The following KHDC1 variants were observed in gnomAD, a reference collection of about 807,000 sequenced individuals.
KHDC1 encodes KH domain containing 1.
In KHDC1, 21 loss-of-function variants were observed where a neutral mutation model predicts 24.7. The observed-to-expected ratio is 0.85, with a 90% CI of 0.60 to 1.23. The LOEUF is 1.23. KHDC1 is among the 50% of genes most tolerant of loss of function. The pLI, the probability that KHDC1 is intolerant of heterozygous loss-of-function variation, is 0.00. For synonymous variants in KHDC1, 98 were observed against 111.7 expected (o/e 0.88, Z 0.77); for missense variants, 274 against 298.5 (o/e 0.92, Z 0.61).
intron 2 of KHDC1, among the ~76,000 whole-genome samples, chr6:73,245,233 T>A (rs1766645731): frequency 6.6e-6 from 1 of 152,224 alleles, no homozygotes; most frequent in African/African-American, 2.4e-5. Context: ...ATCGTCTTCT[T>A]CTAAAGATCA....
chr6:73,246,047 C>A (rs2150551811), intron 2 of KHDC1, among the ~76,000 whole-genome samples: 1 of 152,260 alleles, frequency 6.6e-6, no homozygotes, highest in African/African-American at 2.4e-5. Flanking sequence ...TGGGTAATAG[C>A]AAAGCTTCTA....
At chr6:73,283,872 G>A (rs976203605) in intron 2 of KHDC1, among the ~76,000 whole-genome samples, 5 of 151,688 alleles carry the variant, frequency 3.3e-5, no homozygotes, top group African/African-American at 9.7e-5. Flanking sequence ...ACCGTGCCTG[G>A]CACCATTCTT....
At chr6:73,307,070 A>G (rs1350620466) in intron 1 of KHDC1, among the ~76,000 whole-genome samples, 1 of 152,054 alleles carries the variant, frequency 6.6e-6, no homozygotes, top group Non-Finnish European at 1.5e-5. Context: ...CCTTTTGAAA[A>G]TGTTTTTCCT....
intron 1 of KHDC1, among the ~76,000 whole-genome samples, chr6:73,293,465 A>G (rs1767697127): frequency 6.6e-6 from 1 of 152,228 alleles, no homozygotes; most frequent in African/African-American, 2.4e-5. Context: ...AGCTAATTAT[A>G]GATTCACATG....
chr6:73,278,449 C>T (rs1360386596), intron 2 of KHDC1, among the ~76,000 whole-genome samples: 1 of 152,176 alleles, frequency 6.6e-6, no homozygotes, highest in Non-Finnish European at 1.5e-5. Context: ...GTCTTGAACT[C>T]CTGGCCTCAA....
chr6:73,283,859 ACCACCGTG>A (rs1047008275), intron 2 of KHDC1, among the ~76,000 whole-genome samples: 2 of 151,824 alleles, frequency 1.3e-5, no homozygotes, highest in African/African-American at 4.8e-5. Context: ...TACAGGAGTG[ACCACCGTG>A]CCTGGCACCA....
intron 2 of KHDC1, chr6:73,274,997 T>C (rs10943088): frequency 0.091 from 13,892 of 152,392 alleles, 676 homozygotes; most frequent in Non-Finnish European, 0.1. Flanking sequence ...CCTGGCACCA[T>C]GGGCCAATCT....
chr6:73,292,487 G>A, intron 1 of KHDC1: 2 of 771,338 alleles, frequency 2.6e-6, no homozygotes, highest in African/African-American at 1.7e-5. Context: ...GCTGGCCTCT[G>A]AAATCTTAAA....
intron 2 of KHDC1, among the ~76,000 whole-genome samples, chr6:73,264,805 A>G (rs1374180064): frequency 2.0e-5 from 3 of 152,208 alleles, no homozygotes; most frequent in African/African-American, 7.2e-5. Flanking sequence ...AAAACCTGGA[A>G]TGGTTTGCTT....
At chr6:73,263,365 G>A in intron 2 of KHDC1, 169 bp from the exon 1 acceptor site, 2 of 834,308 alleles carry the variant, frequency 2.4e-6, no homozygotes, top group Non-Finnish European at 2.9e-6. Flanking sequence ...CGAGCCAGTG[G>A]CAATGACCCA....
chr6:73,259,955 T>C (rs1332604893), intron 2 of KHDC1, among the ~76,000 whole-genome samples: 1 of 152,202 alleles, frequency 6.6e-6, no homozygotes, highest in African/African-American at 2.4e-5. Context: ...CATTAAAAGC[T>C]GTCCAGGGGG....
At chr6:73,291,222 C>G in intron 2 of KHDC1, 1 of 439,742 alleles carries the variant, frequency 2.3e-6, no homozygotes, top group South Asian at 1.7e-5. Context: ...GCAACTTCCA[C>G]TGCTCAGACC....
intron 2 of KHDC1, among the ~76,000 whole-genome samples, chr6:73,255,688 G>C (rs1766867893): frequency 6.6e-6 from 1 of 150,400 alleles, no homozygotes; most frequent in Non-Finnish European, 1.5e-5. Flanking sequence ...GATCACCTGA[G>C]GTCGGGAGTT....
rs538602506 is a variant in KHDC1 at position 73,247,421 on chromosome 6, C to T, written c.207-4891G>A. Among the ~76,000 whole-genome samples, 39 of 152,312 alleles carry T rather than the reference C, an allele frequency of 2.6e-4. 1 individual carries two copies. The South Asian group carries it at 8.1e-3, about 32-fold the overall frequency. ...TTTAAAAATTTGATTCCATACTTCC[C>T]CCAGTGCCTTTCCACCTCTTCCTCC... On this transcript the variant is annotated intron_variant, in intron 2 of 4. Coordinates refer to ENST00000370384, the Ensembl canonical transcript of KHDC1.
chr6:73,296,389 G>T (rs1402209477), intron 1 of KHDC1, among the ~76,000 whole-genome samples: 1 of 151,872 alleles, frequency 6.6e-6, no homozygotes, highest in Non-Finnish European at 1.5e-5. Flanking sequence ...GGAGGCAGAG[G>T]TTGCAGTGAG....
chr6:73,274,550 G>A (rs894753040), intron 2 of KHDC1: 1 of 152,132 alleles, frequency 6.6e-6, no homozygotes, highest in African/African-American at 2.4e-5. Context: ...TGCTGTTCTC[G>A]TGATGAGTGA....
At chr6:73,303,319 T>C (rs988769901) in intron 1 of KHDC1, among the ~76,000 whole-genome samples, 5 of 151,938 alleles carry the variant, frequency 3.3e-5, no homozygotes, top group Non-Finnish European at 5.9e-5. Context: ...AAGGTTCCCA[T>C]TGATAAATGC....
intron 2 of KHDC1, among the ~76,000 whole-genome samples, chr6:73,247,370 G>A (rs1405349484): frequency 6.6e-6 from 1 of 152,042 alleles, no homozygotes; most frequent in East Asian, 1.9e-4. Flanking sequence ...CAAGATTTGG[G>A]GCAAGTAGCT....
In KHDC1 at chr6:73,245,428, A is replaced by C. The variant is rs1040905893; in HGVS notation, c.207-2898T>G. ...TGGGGAAGATTGTTGTTACCTATTA[A>C]AAGCTAGATGCATCAAATGAATCCT... On this transcript the variant is annotated intron_variant, in intron 2 of 4. Coordinates refer to ENST00000370384, the Ensembl canonical transcript of KHDC1. Among the ~76,000 whole-genome samples, 3 of 152,178 alleles carry C rather than the reference A, an allele frequency of 2.0e-5. No homozygotes were observed. In the South Asian group the frequency reaches 6.2e-4, roughly 31 times the overall value.
Sources: gnomAD v4.1 joint callset for allele counts (sites outside exome capture counted in the v4.1 genomes callset) on GRCh38, gnomAD v4.1.1 for gene constraint, MANE v1.5 for transcripts, NCBI Gene and HGNC (gene_info 2026-07-23, HGNC 2026-07-21) for gene names.